Variants in PLSCR4 observed in about 807,000 individuals in gnomAD.
PLSCR4 encodes the protein phospholipid scramblase 4.
A neutral mutation model predicts 36.3 loss-of-function variants in PLSCR4; 25 were observed. The observed-to-expected ratio is 0.69, with a 90% CI of 0.50 to 0.96. The LOEUF (loss-of-function observed/expected upper bound fraction) is 0.96, where lower values mean the gene tolerates loss of function less well. Among genes scored for constraint, PLSCR4 ranks in the 40% least tolerant of loss-of-function variants. PLSCR4 has a pLI of 0.00. For missense variants in PLSCR4, 408 were observed against 414.7 expected, an observed-to-expected ratio of 0.98 and a Z score of 0.14; for synonymous variants, 122 against 132.9, an observed-to-expected ratio of 0.92 and a Z score of 0.56.
chr3:146,250,570 G>A (rs1237576662), intron 1 of PLSCR4: 3 of 152,138 alleles, frequency 2.0e-5, no homozygotes, highest in Non-Finnish European at 4.4e-5. Flanking sequence ...CGAGTGGCCT[G>A]GCCTGAGTCC....
At chr3:146,250,550 T>C (rs925556187) in intron 1 of PLSCR4, 1 of 151,866 alleles carries the variant, frequency 6.6e-6, no homozygotes, top group African/African-American at 2.4e-5. Context: ...ATAAATAGCG[T>C]TTTTACCTGC....
chr3:146,203,547 G>A (rs1049392555), intron 4 of PLSCR4, among the ~76,000 whole-genome samples: 5 of 151,948 alleles, frequency 3.3e-5, no homozygotes, highest in Admixed American at 6.6e-5. Flanking sequence ...GTTATAGTTA[G>A]GATCTTCTGA....
chr3:146,230,498 T>C (rs2035665066), intron 1 of PLSCR4, among the ~76,000 whole-genome samples: 1 of 152,004 alleles, frequency 6.6e-6, no homozygotes, highest in Non-Finnish European at 1.5e-5. Context: ...CAAGGGGAGA[T>C]CATATTTATG....
intron 1 of PLSCR4, among the ~76,000 whole-genome samples, chr3:146,235,949 G>C (rs1408727927): frequency 6.6e-6 from 1 of 152,042 alleles, no homozygotes; most frequent in Non-Finnish European, 1.5e-5. Context: ...TTTCTAAGCA[G>C]CAAAACATCA....
chr3:146,239,519 CAAAAA>C (rs34713180), intron 1 of PLSCR4, among the ~76,000 whole-genome samples: 3 of 110,582 alleles, frequency 2.7e-5, no homozygotes, highest in Admixed American at 8.9e-5. Flanking sequence ...CATCCACATA[CAAAAA>C]AAAAAAAAAA....
chr3:146,195,227 C>T lies in PLSCR4; in HGVS notation c.842G>A (p.Gly281Asp). 1 of 1,613,752 alleles carries T rather than the reference C, an allele frequency of 6.2e-7. No homozygotes were observed. Residue 281 changes from glycine (G) to aspartate (D), a missense_variant, in exon 8 of 9, where the codon GGT becomes GAT. Gly to Asp is a moderately conservative substitution (Grantham distance 94). Coordinates refer to ENST00000354952, the MANE Select transcript of PLSCR4 (RefSeq NM_020353.3). ...AGCATCTGCCATTGCTGATAACAAA[C>T]CATTCCACTTCCGGATAATACTGCC... ...NIGSIIRKWN[G>D]LLSAMADADH...
In PLSCR4 at chr3:146,193,047, G is replaced by A. The variant is rs2108186468; in HGVS notation, c.*1364C>T. The A allele has an allele frequency of 1.7e-5, 1 of 57,782 alleles. No homozygotes were observed. Among genetic ancestry groups the A allele is most frequent in the Admixed American group, 1.4e-4 (1 of 6,920 alleles). The allele number at this position is 57,782 out of a possible 1,614,324, so 3.6% of individuals were successfully genotyped here. A position where few individuals can be genotyped will look rare whatever the true frequency, so the allele number is the denominator to read the frequency against. On this transcript the variant is annotated 3_prime_UTR_variant, in exon 9 of 9. Transcript: ENST00000354952. ...ATACATCCCATTCTACATACTGACT[G>A]TGTTAAAAAAAAAAAATGCAGTCCA...
intron 8 of PLSCR4, among the ~76,000 whole-genome samples, chr3:146,194,838 T>C (rs1284972244): frequency 1.3e-5 from 2 of 152,184 alleles, no homozygotes; most frequent in Admixed American, 6.5e-5. Context: ...CATGCAATGA[T>C]GATAATTATA....
intron 1 of PLSCR4, among the ~76,000 whole-genome samples, chr3:146,228,848 A>C (rs2035583040): frequency 6.6e-6 from 1 of 152,168 alleles, no homozygotes; most frequent in African/African-American, 2.4e-5. Context: ...CATTTTATTT[A>C]TAAGAAAGTC....
intron 6 of PLSCR4, among the ~76,000 whole-genome samples, chr3:146,198,947 T>C (rs1370301952): frequency 6.6e-6 from 1 of 152,138 alleles, no homozygotes. Flanking sequence ...TACTATTTGC[T>C]AGGAACTGTG....
intron 4 of PLSCR4, among the ~76,000 whole-genome samples, chr3:146,205,188 A>G (rs189412321): frequency 6.0e-4 from 91 of 152,128 alleles, no homozygotes; most frequent in African/African-American, 2.0e-3. Context: ...AACAACAACA[A>G]AAAAGATTCA....
chr3:146,206,812 CA>C, intron 3 of PLSCR4, 51 bp from the exon 4 acceptor site: 1 of 1,150,300 alleles, frequency 8.7e-7, no homozygotes, highest in Non-Finnish European at 1.2e-6. Flanking sequence ...CTAAAGTTAG[CA>C]TAACTTTTTA....
chr3:146,211,043 T>C (rs1157836419), intron 3 of PLSCR4, among the ~76,000 whole-genome samples: 1 of 142,908 alleles, frequency 7.0e-6, no homozygotes. Flanking sequence ...TGATCCTCCA[T>C]GTACAAGTTT....
At chr3:146,218,798 G>A (rs995539994) in intron 3 of PLSCR4, among the ~76,000 whole-genome samples, 14 of 152,164 alleles carry the variant, frequency 9.2e-5, no homozygotes, top group Admixed American at 6.5e-4. Flanking sequence ...AAGACACACT[G>A]TCTGATAGGA....
intron 3 of PLSCR4, among the ~76,000 whole-genome samples, chr3:146,210,845 C>G (rs1158548101): frequency 4.8e-5 from 6 of 125,040 alleles, no homozygotes; most frequent in Admixed American, 7.8e-5. Context: ...GCCTTTATGT[C>G]TGTTTTTTTT....
At position 146,192,621 on chromosome 3, in the gene PLSCR4, G is replaced by A. The variant is rs1200565594; in HGVS notation, c.*1790C>T. The A allele has an allele frequency of 6.6e-6, 1 of 151,612 alleles. No homozygotes were observed. Among genetic ancestry groups the A allele is most frequent in the Non-Finnish European group, 1.5e-5 (1 of 67,894 alleles). The allele number at this position is 151,612 out of a possible 1,614,324, so 9.4% of individuals were successfully genotyped here. A position where few individuals can be genotyped will look rare whatever the true frequency, so the allele number is the denominator to read the frequency against. ...ATATAGATATATTTATTATGATGCA[G>A]CAGGTTTTGGAATACAGGGATTTAG... On this transcript the variant is annotated 3_prime_UTR_variant, in exon 9 of 9. Coordinates refer to ENST00000354952, the MANE Select transcript of PLSCR4 (RefSeq NM_020353.3).
At chr3:146,225,369 C>T (rs1341100866) in intron 1 of PLSCR4, among the ~76,000 whole-genome samples, 1 of 152,256 alleles carries the variant, frequency 6.6e-6, no homozygotes, top group Non-Finnish European at 1.5e-5. Context: ...GCTGGCTTCA[C>T]CTAGTGGATC....
intron 1 of PLSCR4, among the ~76,000 whole-genome samples, chr3:146,238,866 G>A (rs748357199): frequency 1.3e-5 from 2 of 152,002 alleles, no homozygotes; most frequent in Non-Finnish European, 2.9e-5. Flanking sequence ...TCATATCAAA[G>A]TTTCTAAGGA....
chr3:146,203,859 T>C (rs963644698), intron 4 of PLSCR4, among the ~76,000 whole-genome samples: 6 of 152,080 alleles, frequency 3.9e-5, no homozygotes, highest in Non-Finnish European at 4.4e-5. Context: ...CATATGTTCA[T>C]TGGAGTAATA....
Sources: allele counts gnomAD v4.1 joint callset (sites outside exome capture counted in the v4.1 genomes callset), GRCh38; gene constraint gnomAD v4.1.1; transcripts MANE v1.5; gene names NCBI Gene and HGNC (gene_info 2026-07-23, HGNC 2026-07-21).